Variants in FZD6 observed in about 807,000 individuals in gnomAD.
The protein encoded by FZD6 is frizzled class receptor 6, also known as frizzled-6.
FZD6 carries 49 observed loss-of-function variants against 61.4 expected under a neutral mutation model. The observed-to-expected ratio is 0.80, with a 90% CI of 0.63 to 1.01. The LOEUF is 1.01. Ranked by LOEUF, FZD6 falls within the 50% of genes least tolerant of loss-of-function variation. The probability of loss-of-function intolerance (pLI) is 0.00; values close to 1 mark genes in which losing one functional copy is unlikely to be tolerated. For missense variants in FZD6, 724 were observed against 848.2 expected, an observed-to-expected ratio of 0.85 and a Z score of 1.82; for synonymous variants, 265 against 292.2, an observed-to-expected ratio of 0.91 and a Z score of 0.95.
intron 2 of FZD6, among the ~76,000 whole-genome samples, chr8:103,315,406 A>AGTAT (rs1373633400): frequency 6.6e-6 from 1 of 152,216 alleles, no homozygotes; most frequent in African/African-American, 2.4e-5. Flanking sequence ...ACAGCCATAC[A>AGTAT]GTGGAATATT....
chr8:103,329,943 A>C lies in FZD6; in HGVS notation c.1830A>C (p.Leu610Phe). ...CGGACGGAGCTAGCACCCCCAGGTTAAGAGAACAGGACTGTGGTGAACCTG... is the reference window on the plus strand; with the variant it reads ...CGGACGGAGCTAGCACCCCCAGGTTCAGAGAACAGGACTGTGGTGAACCTG... ...VKADGASTPRLREQDCGEPAS... is the reference protein window; with the variant it reads ...VKADGASTPRFREQDCGEPAS... The change falls in exon 6 of 7, where the codon TTA (leucine) becomes TTC (phenylalanine). Residue 610 changes from leucine (L) to phenylalanine (F), a missense_variant. Physicochemically the swap from Leu to Phe is conservative, Grantham distance 22. Transcript: ENST00000358755. The C allele has an allele frequency of 6.2e-7, 1 of 1,614,166 alleles. No individual in the cohort carries two copies. The highest frequency in any genetic ancestry group is 8.5e-7 in the Non-Finnish European group (1 of 1,179,992).
chr8:103,325,406 TGTTAC>T lies in FZD6; in HGVS notation c.1303_1307del (p.Tyr435LeufsTer2). On this transcript the variant is annotated frameshift_variant, in exon 4 of 7. Transcript: ENST00000358755. LOFTEE classifies it high-confidence loss of function. Reference sequence around the variant, plus strand: ...TGTGCCATTAGTGACACTTCTCGGATGTTACGTCTATGAGCAAGTGAACAGGATTA... The same window carrying T: ...TGTGCCATTAGTGACACTTCTCGGATGTCTATGAGCAAGTGAACAGGATTA... The T allele has an allele frequency of 6.2e-7, 1 of 1,613,582 alleles. No homozygotes were observed. The highest frequency in any genetic ancestry group is 8.5e-7 in the Non-Finnish European group (1 of 1,179,494).
At chr8:103,322,436 C>T (rs1038846257) in intron 3 of FZD6, among the ~76,000 whole-genome samples, 2 of 150,664 alleles carry the variant, frequency 1.3e-5, no homozygotes, top group African/African-American at 2.4e-5. Context: ...AATATTCTAT[C>T]TGGACCTTTC....
intron 4 of FZD6, among the ~76,000 whole-genome samples, chr8:103,327,339 A>G (rs1417557845): frequency 2.6e-5 from 4 of 152,246 alleles, no homozygotes; most frequent in Non-Finnish European, 5.9e-5. Flanking sequence ...TTACGCCTGT[A>G]ATCCTAGCAT....
At position 103,312,490 on chromosome 8, in the gene FZD6, T is replaced by C. The variant is rs1440525783; in HGVS notation, c.178-6100T>C. ...TTTGCACTTTAATTCATGAGTTTAA[T>C]TCACAGGTTTGGCACTTAACGTGCT... is the stretch of plus-strand genomic sequence containing the variant. On this transcript the variant is annotated intron_variant, in intron 2 of 6. Transcript: ENST00000358755. 2.0e-5 allele frequency among the ~76,000 whole-genome samples: 3 copies of C among 152,232 alleles called. No individual in the cohort carries two copies. In the East Asian group the frequency reaches 5.8e-4, roughly 29 times the overall value.
At position 103,321,523 on chromosome 8, in the gene FZD6, T is replaced by C. The variant is rs868275730; in HGVS notation, c.374+2737T>C. On this transcript the variant is annotated intron_variant, in intron 3 of 6. Transcript: ENST00000358755. ...ACAAAATCTAGCTCATTGAAAGATT[T>C]CTAGCATAATGAAAGATTTAACATA... Among the ~76,000 whole-genome samples the C allele has an allele frequency of 5.7e-4, 87 of 152,290 alleles. No individual in the cohort carries two copies. The Middle Eastern group carries it at 0.031, about 54-fold the overall frequency.
rs777335863 is a variant in FZD6 at position 103,318,714 on chromosome 8, A to G, written c.302A>G (p.Lys101Arg). The change falls in exon 3 of 7, where the codon AAA becomes AGA. Residue 101 changes from lysine to arginine, a missense_variant. Physicochemically the swap from Lys to Arg is conservative, Grantham distance 26. Coordinates refer to ENST00000358755, the MANE Select transcript of FZD6 (RefSeq NM_003506.4). ...CCACCTTGTCGTAAACTTTGTGAGA[A>G]AGTATATTCTGATTGCAAAAAATTA... Reference protein sequence around the residue: ...VVPPCRKLCEKVYSDCKKLID... With the variant: ...VVPPCRKLCERVYSDCKKLID... 6.2e-7 allele frequency: 1 copy of G among 1,610,804 alleles called. No homozygotes were observed.
At position 103,318,639 on chromosome 8, in the gene FZD6, T is replaced by C; in HGVS notation, c.227T>C (p.Phe76Ser). The part of the protein sequence containing the change: ...NLECSPNIET[F>S]LCKAFVPTCI... ...GAATGTTCACCAAACATTGAAACTT[T>C]CCTCTGCAAAGCATTTGTACCAACC... The change falls in exon 3 of 7, where the codon TTC (phenylalanine) becomes TCC (serine). Residue 76 changes from phenylalanine (F) to serine (S), a missense_variant. Coordinates refer to ENST00000358755, the MANE Select transcript of FZD6 (RefSeq NM_003506.4). 1.2e-6 allele frequency: 2 copies of C among 1,612,018 alleles called. No homozygotes were observed. The highest frequency in any genetic ancestry group is 1.3e-5 in the African/African-American group (1 of 75,030).
intron 3 of FZD6, 74 bp downstream of exon 3, chr8:103,318,860 G>C (rs3104026): frequency 0.7 from 586,706 of 837,322 alleles, 209,052 homozygotes; most frequent in East Asian, 0.99. Context: ...ATGTTAGTGA[G>C]AAGCTTTCAT....
chr8:103,302,092 G>C (rs1247673590), intron 2 of FZD6, among the ~76,000 whole-genome samples: 1 of 151,756 alleles, frequency 6.6e-6, no homozygotes, highest in Non-Finnish European at 1.5e-5. Context: ...CAAAAGAAGA[G>C]AGCCATCAAG....
upstream of FZD6, chr8:103,298,809 G>GC (rs1814052110): frequency 6.3e-6 from 1 of 159,542 alleles, no homozygotes; most frequent in Non-Finnish European, 1.3e-5. Context: ...CGCCGCCGCC[G>GC]CGAGCCCGGA....
chr8:103,317,699 G>A (rs141836909), intron 2 of FZD6, among the ~76,000 whole-genome samples: 4 of 152,094 alleles, frequency 2.6e-5, no homozygotes, highest in Admixed American at 6.6e-5. Context: ...AGTGGCATGC[G>A]CCTATAGTCC....
Position 103,300,281 on chromosome 8 carries a change from G to A in FZD6, c.174G>A (p.Met58Ile). The change falls in exon 2 of 7, where the codon ATG (methionine) becomes ATA (isoleucine). Residue 58 changes from methionine to isoleucine, a missense_variant. Coordinates refer to ENST00000358755, the MANE Select transcript of FZD6 (RefSeq NM_003506.4). ...ACCAGAGTATTGCCGCGGTGGAAAT[G>A]GAGGTGAGTAGTGCTTCATACGTTT... ...HYDQSIAAVE[M>I]EHFLPLANLE... 6.2e-7 allele frequency: 1 copy of A among 1,600,634 alleles called. No homozygotes were observed. The highest frequency in any genetic ancestry group is 1.1e-5 in the South Asian group (1 of 90,814).
Position 103,318,930 on chromosome 8 carries a change from G to T in FZD6, c.374+144G>T, listed in dbSNP as rs543213866. On this transcript the variant is annotated intron_variant, in intron 3 of 6. Coordinates refer to ENST00000358755, the MANE Select transcript of FZD6 (RefSeq NM_003506.4). Reference sequence around the variant, plus strand: ...TATATGTCAGGCACTATGGTGCTAAGTGCTGTGGACACAAAGGTGGGCAAA... The same window carrying T: ...TATATGTCAGGCACTATGGTGCTAATTGCTGTGGACACAAAGGTGGGCAAA... 2.8e-5 allele frequency: 19 copies of T among 684,538 alleles called. No individual in the cohort carries two copies. The African/African-American group carries it at 3.0e-4, about 11-fold the overall frequency. The allele number at this position is 684,538 out of a possible 1,614,324, so 42.4% of individuals were successfully genotyped here.
chr8:103,318,664 C>A lies in FZD6; in HGVS notation c.252C>A (p.Thr84=). 1.2e-6 allele frequency: 2 copies of A among 1,608,514 alleles called. No individual in the cohort carries two copies. Among genetic ancestry groups the A allele is most frequent in the Non-Finnish European group, 1.7e-6 (2 of 1,174,928 alleles). The change falls in exon 3 of 7, where the codon ACC becomes ACA. Residue 84 remains threonine (T), a synonymous_variant. Coordinates refer to ENST00000358755, the MANE Select transcript of FZD6 (RefSeq NM_003506.4). ...TCCTCTGCAAAGCATTTGTACCAAC[C>A]TGCATAGAACAAATTCATGTGGTTC... ...ETFLCKAFVP[T]CIEQIHVVPP... is the part of the protein sequence containing the mutation.
rs144179120 is a variant in FZD6 at position 103,329,981 on chromosome 8, C to T, written c.1868C>T (p.Ala623Val). Reference sequence around the variant, plus strand: ...TGTGGTGAACCTGCCTCGCCAGCAGCATCCATCTCCAGACTCTCTGGGGAA... The same window carrying T: ...TGTGGTGAACCTGCCTCGCCAGCAGTATCCATCTCCAGACTCTCTGGGGAA... ...QDCGEPASPA[A>V]SISRLSGEQV... is the part of the protein sequence containing the mutation. The change falls in exon 6 of 7, where the codon GCA becomes GTA. Residue 623 changes from alanine to valine, a missense_variant. By Grantham distance (64) the Ala-to-Val change is moderately conservative. Transcript: ENST00000358755. The T allele has an allele frequency of 6.2e-6, 10 of 1,613,888 alleles. No homozygotes were observed. Among genetic ancestry groups the T allele is most frequent in the Non-Finnish European group, 8.5e-6 (10 of 1,179,876 alleles).
chr8:103,322,833 CT>C (rs1287296700), intron 3 of FZD6, among the ~76,000 whole-genome samples: 1 of 152,136 alleles, frequency 6.6e-6, no homozygotes, highest in African/African-American at 2.4e-5. Context: ...AGGAAATCCC[CT>C]CCCATAGAAA....
intron 2 of FZD6, among the ~76,000 whole-genome samples, chr8:103,303,236 T>A (rs1814222309): frequency 6.6e-6 from 1 of 152,174 alleles, no homozygotes; most frequent in African/African-American, 2.4e-5. Context: ...ATTTGGAGAA[T>A]TCAAATCCAT....
At chr8:103,330,974 G>A (rs1376239757) in intron 6 of FZD6, among the ~76,000 whole-genome samples, 2 of 152,232 alleles carry the variant, frequency 1.3e-5, no homozygotes, top group South Asian at 2.1e-4. Context: ...TCAGGAGATC[G>A]AGACCATTCT....
Sources: gnomAD v4.1 joint callset for allele counts (sites outside exome capture counted in the v4.1 genomes callset) on GRCh38, gnomAD v4.1.1 for gene constraint, MANE v1.5 for transcripts, NCBI Gene and HGNC (gene_info 2026-07-23, HGNC 2026-07-21) for gene names.